Variants in ACTR3C observed in about 807,000 individuals in gnomAD.
The protein encoded by ACTR3C is actin-related protein 3C.
ACTR3C carries 18 observed loss-of-function variants against 26.3 expected under a neutral mutation model. The ratio of observed to expected loss-of-function variants is 0.68; its 90% CI spans 0.47 to 1.01. The LOEUF (loss-of-function observed/expected upper bound fraction) is 1.01, where lower values mean the gene tolerates loss of function less well. ACTR3C is among the 50% of genes least tolerant of loss of function. ACTR3C has a pLI of 0.00. For missense variants in ACTR3C, 184 were observed against 250.7 expected (o/e 0.73, Z 1.80); for synonymous variants, 55 against 94.5 (o/e 0.58, Z 2.42).
the ACTR3C span, among the ~76,000 whole-genome samples, chr7:150,063,515 T>C: frequency 6.6e-6 from 1 of 151,420 alleles, no homozygotes; most frequent in South Asian, 2.1e-4. Context: ...GCCGTCTTCC[T>C]ACCAAGCTCA....
the ACTR3C span, among the ~76,000 whole-genome samples, chr7:149,912,010 G>A: frequency 3.3e-4 from 42 of 128,356 alleles, no homozygotes; most frequent in Admixed American, 4.9e-4. Flanking sequence ...ACCCTGTCTC[G>A]AAAAAAAAAA....
chr7:150,003,347 GTGTGGTA>G, the ACTR3C span, among the ~76,000 whole-genome samples: 7 of 42,440 alleles, frequency 1.6e-4, no homozygotes, highest in Admixed American at 6.6e-4. Flanking sequence ...TATGTGGAAT[GTGTGGTA>G]TGTGGTGTGT....
the ACTR3C span, among the ~76,000 whole-genome samples, chr7:150,106,009 G>C: frequency 6.6e-6 from 1 of 152,028 alleles, no homozygotes; most frequent in Non-Finnish European, 1.5e-5. Context: ...AATTTTAGGA[G>C]AAGCTTTTAA....
the ACTR3C span, among the ~76,000 whole-genome samples, chr7:150,029,397 C>CAAAAAAAAAAAAA: frequency 2.3e-4 from 8 of 35,402 alleles, no homozygotes; most frequent in Non-Finnish European, 2.8e-4. Context: ...CAATCTTTAT[C>CAAAAAAAAAAAAA]AAAAACAAAA....
chr7:150,285,955 A>C (rs1584928542), intron 5 of ACTR3C, among the ~76,000 whole-genome samples: 1 of 152,170 alleles, frequency 6.6e-6, no homozygotes, highest in Non-Finnish European at 1.5e-5. Flanking sequence ...TCCAGGGTTA[A>C]AATTAGAAGT....
At chr7:150,038,813 C>A in the ACTR3C span, among the ~76,000 whole-genome samples, 93 of 135,264 alleles carry the variant, frequency 6.9e-4, no homozygotes, top group South Asian at 4.4e-3. Flanking sequence ...GGTGCCTCCC[C>A]CCTCTGCGAT....
At chr7:150,175,815 C>CAAAAAAAAAA in the ACTR3C span, among the ~76,000 whole-genome samples, 6 of 46,206 alleles carry the variant, frequency 1.3e-4, 1 homozygote, top group Non-Finnish European at 1.3e-4. Context: ...TCCATCTGAA[C>CAAAAAAAAAA]AAAAAAAAAA....
At chr7:150,102,608 G>A in the ACTR3C span, among the ~76,000 whole-genome samples, 4 of 151,904 alleles carry the variant, frequency 2.6e-5, no homozygotes, top group South Asian at 4.2e-4. Flanking sequence ...TCTCACAGTC[G>A]GTGACTCGGT....
chr7:150,072,772 C>T, the ACTR3C span, among the ~76,000 whole-genome samples: 1 of 152,146 alleles, frequency 6.6e-6, no homozygotes, highest in Non-Finnish European at 1.5e-5. Flanking sequence ...CATTTGGGCT[C>T]ATGCTGTCAG....
the ACTR3C span, among the ~76,000 whole-genome samples, chr7:149,907,850 T>C: frequency 6.6e-6 from 1 of 152,254 alleles, no homozygotes; most frequent in East Asian, 1.9e-4. Context: ...GTTCAATTTA[T>C]CAACTCAGCA....
chr7:150,041,856 G>A, the ACTR3C span, among the ~76,000 whole-genome samples: 1 of 140,042 alleles, frequency 7.1e-6, no homozygotes, highest in Non-Finnish European at 1.5e-5. Flanking sequence ...ATAGCTCTCA[G>A]TCCCCACTCT....
At chr7:150,134,023 C>T in the ACTR3C span, among the ~76,000 whole-genome samples, 1 of 152,104 alleles carries the variant, frequency 6.6e-6, no homozygotes, top group Admixed American at 6.5e-5. Flanking sequence ...CAGGCATGAG[C>T]CACCACCAAG....
At chr7:150,197,763 G>A in the ACTR3C span, among the ~76,000 whole-genome samples, 17 of 151,962 alleles carry the variant, frequency 1.1e-4, 1 homozygote, top group Admixed American at 9.8e-4. Flanking sequence ...TCTTCCCTAT[G>A]TTAGTAAATC....
the ACTR3C span, among the ~76,000 whole-genome samples, chr7:150,228,069 A>G: frequency 1.4e-4 from 22 of 152,294 alleles, no homozygotes; most frequent in Admixed American, 1.1e-3. Flanking sequence ...TTGTAATTCC[A>G]GTAAATCTGT....
chr7:150,048,547 T>A, the ACTR3C span, among the ~76,000 whole-genome samples: 1 of 145,140 alleles, frequency 6.9e-6, no homozygotes, highest in East Asian at 2.0e-4. Context: ...GTGCTGCGCG[T>A]GCCCCGCAGC....
At chr7:150,128,966 C>A in the ACTR3C span, among the ~76,000 whole-genome samples, 2 of 150,430 alleles carry the variant, frequency 1.3e-5, 1 homozygote, top group South Asian at 4.3e-4. Flanking sequence ...GAACTGAGGA[C>A]ACAAAGCCCA....
the ACTR3C span, among the ~76,000 whole-genome samples, chr7:150,119,994 T>C: frequency 6.6e-6 from 1 of 152,112 alleles, no homozygotes; most frequent in African/African-American, 2.4e-5. Flanking sequence ...ACTGGGTAAA[T>C]AATGAAATTA....
At chr7:150,039,979 T>G in the ACTR3C span, among the ~76,000 whole-genome samples, 2 of 131,466 alleles carry the variant, frequency 1.5e-5, no homozygotes, top group African/African-American at 5.8e-5. Context: ...CTCGCGGGGA[T>G]TGCCTCCCCC....
the ACTR3C span, among the ~76,000 whole-genome samples, chr7:150,152,676 C>T: frequency 1.6e-4 from 25 of 152,132 alleles, no homozygotes; most frequent in Admixed American, 1.6e-3. Flanking sequence ...GGAGGATTCC[C>T]TCTTTTTCTG....
Sources: allele counts gnomAD v4.1 joint callset (sites outside exome capture counted in the v4.1 genomes callset), GRCh38; gene constraint gnomAD v4.1.1; transcripts MANE v1.5; gene names NCBI Gene and HGNC (gene_info 2026-07-23, HGNC 2026-07-21).